The following ASH2L variants were observed in gnomAD, a reference collection of about 807,000 sequenced individuals.
ASH2L encodes ASH2 like, histone lysine methyltransferase complex subunit.
A neutral mutation model predicts 81.1 loss-of-function variants in ASH2L; 30 were observed. That is an observed-to-expected ratio of 0.37 (90% CI 0.28 to 0.50). ASH2L has a LOEUF of 0.50. Ranked by LOEUF, ASH2L falls within the 20% of genes least tolerant of loss-of-function variation. ASH2L has a pLI of 0.95. For missense variants in ASH2L, 559 were observed against 792.1 expected, an observed-to-expected ratio of 0.71 and a Z score of 3.53; for synonymous variants, 273 against 279.9, an observed-to-expected ratio of 0.98 and a Z score of 0.24.
rs1015117869 is a variant in ASH2L at position 38,121,248 on chromosome 8, C to T, written c.1165+99C>T. On this transcript the variant is annotated intron_variant, in intron 10 of 15. Transcript: ENST00000343823. ...ATTAGGTGTACATCTCAGTCTGTTG[C>T]CACTGCCTCACCCCCATCTCTGTCT... 1.7e-5 allele frequency: 18 copies of T among 1,032,710 alleles called. No individual in the cohort carries two copies. In the African/African-American group the frequency reaches 2.7e-4, roughly 15 times the overall value. The allele number at this position is 1,032,710 out of a possible 1,614,324, so 64.0% of individuals were successfully genotyped here.
Position 38,133,143 on chromosome 8 carries a change from G to A in ASH2L, c.1528-311G>A, listed in dbSNP as rs988861707. Reference sequence around the variant, plus strand: ...CTCAATAAACGTCATTTTTTTCAGTGAGATTATTGGAAAAGATGTGTGAAT... The same window carrying A: ...CTCAATAAACGTCATTTTTTTCAGTAAGATTATTGGAAAAGATGTGTGAAT... On this transcript the variant is annotated intron_variant, in intron 12 of 15. Transcript: ENST00000343823. Among the ~76,000 whole-genome samples the A allele has an allele frequency of 4.6e-5, 7 of 151,680 alleles. No homozygotes were observed. The South Asian group carries it at 1.4e-3, about 31-fold the overall frequency.
At chr8:38,138,919 G>A (rs752215229) in intron 15 of ASH2L, 44 bp downstream of exon 15, 15 of 1,613,488 alleles carry the variant, frequency 9.3e-6, no homozygotes, top group South Asian at 6.6e-5. Flanking sequence ...CAGCATCTCC[G>A]TGGCTGCTGT....
In ASH2L at chr8:38,128,848, A is replaced by G. The variant is rs1384763916; in HGVS notation, c.1424A>G (p.His475Arg). The G allele has an allele frequency of 6.2e-7, 1 of 1,614,166 alleles. No individual in the cohort carries two copies. The highest frequency in any genetic ancestry group is 1.1e-5 in the South Asian group (1 of 91,078). ...AAGTTCCACCAGTCCATTGGCAAAC[A>G]CTACTCTTCTGGCTATGGACAGGGA... ...GTKFHQSIGKHYSSGYGQGDV... is the reference protein window; with the variant it reads ...GTKFHQSIGKRYSSGYGQGDV... The change falls in exon 12 of 16, where the codon CAC becomes CGC. Residue 475 changes from histidine to arginine, a missense_variant. His to Arg is a conservative substitution (Grantham distance 29). Coordinates refer to ENST00000343823, the MANE Select transcript of ASH2L (RefSeq NM_004674.5).
intron 7 of ASH2L, 103 bp from the exon 8 acceptor site, chr8:38,116,547 T>G (rs879774590): frequency 5.5e-6 from 5 of 905,828 alleles, no homozygotes; most frequent in Non-Finnish European, 8.6e-6. Flanking sequence ...AAAAAAGAAT[T>G]GTCAATTTTA....
chr8:38,137,868 T>C (rs1294486672), intron 14 of ASH2L: 1 of 151,962 alleles, frequency 6.6e-6, no homozygotes, highest in Non-Finnish European at 1.5e-5. Context: ...CTCAATCAAT[T>C]TAGAAGTTTA....
At chr8:38,108,851 A>G (rs768451810) in intron 3 of ASH2L, among the ~76,000 whole-genome samples, 3 of 152,132 alleles carry the variant, frequency 2.0e-5, no homozygotes, top group Non-Finnish European at 4.4e-5. Flanking sequence ...AGGCCGAGAC[A>G]GGAGAATGAC....
chr8:38,130,075 G>A (rs899235330), intron 12 of ASH2L, among the ~76,000 whole-genome samples: 1 of 152,174 alleles, frequency 6.6e-6, no homozygotes, highest in African/African-American at 2.4e-5. Context: ...TTTGATGGGT[G>A]TGTAGTAGTA....
At chr8:38,129,002 C>A in intron 12 of ASH2L, 51 bp downstream of exon 12, 1 of 1,581,896 alleles carries the variant, frequency 6.3e-7, no homozygotes, top group Non-Finnish European at 8.6e-7. Context: ...CCTGTGGCAG[C>A]CAGTGCTTAT....
chr8:38,127,814 A>G (rs1360728491), intron 10 of ASH2L, among the ~76,000 whole-genome samples: 4 of 150,496 alleles, frequency 2.7e-5, no homozygotes, highest in African/African-American at 9.8e-5. Context: ...TTGGGAGACC[A>G]AGGCGGGCAG....
chr8:38,120,794 A>C, intron 9 of ASH2L, 138 bp from the exon 10 acceptor site: 1 of 682,830 alleles, frequency 1.5e-6, no homozygotes, highest in Non-Finnish European at 2.5e-6. Context: ...AGAGTTACTT[A>C]TTTGAGTAAT....
At chr8:38,120,911 G>T in intron 9 of ASH2L, 21 bp from the exon 10 acceptor site, 1 of 1,606,338 alleles carries the variant, frequency 6.2e-7, no homozygotes. Flanking sequence ...GTTTTTTGAT[G>T]TTATTTTTTC....
intron 3 of ASH2L, among the ~76,000 whole-genome samples, chr8:38,108,699 T>C (rs1488320733): frequency 6.6e-6 from 1 of 151,908 alleles, no homozygotes. Context: ...TGCGTGCCTG[T>C]AGTCCCAGCT....
intron 7 of ASH2L, among the ~76,000 whole-genome samples, chr8:38,116,189 C>G (rs1810888410): frequency 6.6e-6 from 1 of 152,118 alleles, no homozygotes; most frequent in Non-Finnish European, 1.5e-5. Context: ...CATGGTGAAA[C>G]CCCATCTCTA....
chr8:38,110,708 A>G (rs1379550685), intron 4 of ASH2L, 31 bp from the exon 5 acceptor site: 3 of 1,555,992 alleles, frequency 1.9e-6, no homozygotes, highest in African/African-American at 1.4e-5. Flanking sequence ...AGTACTACAG[A>G]TAACTGTTTC....
intron 10 of ASH2L, among the ~76,000 whole-genome samples, chr8:38,121,775 A>G (rs1057242231): frequency 2.0e-5 from 3 of 152,298 alleles, no homozygotes; most frequent in South Asian, 2.1e-4. Flanking sequence ...CACGGAAACA[A>G]TGTCTTATAG....
intron 7 of ASH2L, among the ~76,000 whole-genome samples, chr8:38,116,347 CAA>C (rs1810898085): frequency 3.3e-5 from 5 of 151,136 alleles, no homozygotes; most frequent in East Asian, 1.9e-4. Context: ...GCCTGGGTGA[CAA>C]GAGTGAAACT....
chr8:38,129,175 A>G (rs1242790566), intron 12 of ASH2L, among the ~76,000 whole-genome samples: 3 of 152,162 alleles, frequency 2.0e-5, no homozygotes, highest in Non-Finnish European at 4.4e-5. Context: ...CACTACAGAG[A>G]AAATGACAGA....
intron 4 of ASH2L, 32 bp downstream of exon 4, chr8:38,110,499 A>C (rs761373235): frequency 1.3e-6 from 2 of 1,579,632 alleles, no homozygotes; most frequent in East Asian, 4.5e-5. Flanking sequence ...TTTGAAGATG[A>C]TTATCCACTG....
intron 12 of ASH2L, among the ~76,000 whole-genome samples, chr8:38,132,796 C>CA (rs35293220): frequency 0.072 from 9,389 of 130,380 alleles, 361 homozygotes; most frequent in African/African-American, 0.11. Flanking sequence ...GAGACTGTCT[C>CA]AAAAAAAAAA....
Sources: allele counts gnomAD v4.1 joint callset (sites outside exome capture counted in the v4.1 genomes callset), GRCh38; gene constraint gnomAD v4.1.1; transcripts MANE v1.5; gene names NCBI Gene and HGNC (gene_info 2026-07-23, HGNC 2026-07-21).